Variants in FBXL17 observed in about 807,000 individuals in gnomAD.
The protein encoded by FBXL17 is F-box and leucine rich repeat protein 17, also known as F-box/LRR-repeat protein 17.
FBXL17 carries 22 observed loss-of-function variants against 66.2 expected under a neutral mutation model. The ratio of observed to expected loss-of-function variants is 0.33; its 90% CI spans 0.24 to 0.47. FBXL17 has a LOEUF of 0.47. Ranked by LOEUF, FBXL17 falls within the 20% of genes least tolerant of loss-of-function variation. The probability of loss-of-function intolerance (pLI) is 1.00; values close to 1 mark genes in which losing one functional copy is unlikely to be tolerated. For synonymous variants in FBXL17, 474 were observed against 400.5 expected (o/e 1.18, Z -2.19); for missense variants, 878 against 948.2 (o/e 0.93, Z 0.97).
chr5:107,925,237 TTG>T (rs1350023165), intron 7 of FBXL17, among the ~76,000 whole-genome samples: 1 of 152,238 alleles, frequency 6.6e-6, no homozygotes, highest in African/African-American at 2.4e-5. Flanking sequence ...AACACATGTG[TTG>T]TGTTTCCATA....
At position 107,928,621 on chromosome 5, in the gene FBXL17, T is replaced by C. The variant is rs184690267; in HGVS notation, c.1823-47442A>G. Among the ~76,000 whole-genome samples the C allele has an allele frequency of 6.6e-5, 10 of 152,258 alleles. No individual in the cohort carries two copies. In the East Asian group the frequency reaches 7.7e-4, roughly 12 times the overall value. ...GTAATTGGCACATTTAATTCACTGA[T>C]CAATAGCTTCAAAAATTCATTTTTG... is the stretch of plus-strand genomic sequence containing the variant. On this transcript the variant is annotated intron_variant, in intron 7 of 8. Transcript: ENST00000542267.
chr5:108,313,920 C>A (rs1045382573), intron 4 of FBXL17, among the ~76,000 whole-genome samples: 3 of 151,856 alleles, frequency 2.0e-5, no homozygotes, highest in Admixed American at 6.6e-5. Context: ...AAATAAAATT[C>A]TTACTAATAT....
At chr5:108,250,128 ACTG>A (rs1431405479) in intron 4 of FBXL17, among the ~76,000 whole-genome samples, 1 of 152,156 alleles carries the variant, frequency 6.6e-6, no homozygotes, top group Non-Finnish European at 1.5e-5. Context: ...TGGCACTGCA[ACTG>A]CTACCAATCA....
Position 108,126,660 on chromosome 5 carries a change from TATA to T in FBXL17, c.1745+59454_1745+59456del, listed in dbSNP as rs1554067330. On this transcript the variant is annotated intron_variant, in intron 6 of 8. Coordinates refer to ENST00000542267, the MANE Select transcript of FBXL17 (RefSeq NM_001163315.3). Reference sequence around the variant, plus strand: ...CTCTCTCTCTCTCTCTCTATATATATATACATATATATATATATATATATACAC... The same window carrying T: ...CTCTCTCTCTCTCTCTCTATATATATCATATATATATATATATATATACAC... Among the ~76,000 whole-genome samples, 895 of 116,420 alleles carry T rather than the reference TATA, an allele frequency of 7.7e-3. 5 individuals carry two copies. Among genetic ancestry groups the T allele is most frequent in the African/African-American group, 0.023 (732 of 31,276 alleles). 76.4% of individuals were successfully genotyped at this position (116,420 alleles called of 152,430 possible). A position where few individuals can be genotyped will look rare whatever the true frequency, so the allele number is the denominator to read the frequency against.
At chr5:108,373,318 A>ATATAAATATAATATATATCTAAATAT (rs1749181427) in intron 1 of FBXL17, among the ~76,000 whole-genome samples, 1 of 127,640 alleles carries the variant, frequency 7.8e-6, no homozygotes, top group African/African-American at 3.2e-5. Context: ...AAATATATTA[A>ATATAAATATAATATATATCTAAATAT]ATTTTTATTA....
chr5:108,344,509 A>G (rs1462049063), intron 4 of FBXL17, among the ~76,000 whole-genome samples: 2 of 152,132 alleles, frequency 1.3e-5, no homozygotes, highest in Admixed American at 1.3e-4. Flanking sequence ...AAAATAGGCC[A>G]AACACACACA....
At chr5:108,250,272 T>C (rs909112340) in intron 4 of FBXL17, among the ~76,000 whole-genome samples, 7 of 152,150 alleles carry the variant, frequency 4.6e-5, no homozygotes, top group African/African-American at 1.4e-4. Context: ...TAGCTGCTAA[T>C]CTTCAAATAC....
Position 107,920,255 on chromosome 5 carries a change from A to C in FBXL17, c.1823-39076T>G, listed in dbSNP as rs934389813. 1.1e-4 allele frequency among the ~76,000 whole-genome samples: 17 copies of C among 152,100 alleles called. 1 individual carries two copies. The highest frequency in any genetic ancestry group is 3.6e-4 in the African/African-American group (15 of 41,416). ...GTCTCGCTGTTGTCACCTGGGCTGG[A>C]GTGCAACGGCGCGACCTTGGCTCAC... On this transcript the variant is annotated intron_variant, in intron 7 of 8. Transcript: ENST00000542267.
At chr5:107,962,367 A>G (rs17437658) in intron 7 of FBXL17, among the ~76,000 whole-genome samples, 21,038 of 152,170 alleles carry the variant, frequency 0.14, 1,599 homozygotes, top group East Asian at 0.2. Context: ...CTGTGACCAT[A>G]ACATTCTAGT....
chr5:108,182,974 T>C (rs563743641), intron 6 of FBXL17, among the ~76,000 whole-genome samples: 51 of 152,108 alleles, frequency 3.4e-4, no homozygotes, highest in African/African-American at 1.2e-3. Flanking sequence ...CTTCTACACA[T>C]GTCCTGTATA....
intron 6 of FBXL17, among the ~76,000 whole-genome samples, chr5:108,177,708 G>C (rs1232143553): frequency 6.6e-6 from 1 of 151,946 alleles, no homozygotes; most frequent in Non-Finnish European, 1.5e-5. Context: ...ATGGGTTCCA[G>C]TCTTGGTTCC....
rs1343278312 is a variant in FBXL17, at chr5:107,861,253, G to A, written c.*467C>T. 2.0e-5 allele frequency: 3 copies of A among 150,602 alleles called. No homozygotes were observed. In the East Asian group the frequency reaches 5.9e-4, roughly 29 times the overall value. 9.3% of individuals were successfully genotyped at this position (150,602 alleles called of 1,614,324 possible). ...AGTAGATCAGAGCCCTGGTGTAGATGTGCACACGTGTGAATATGTGAGAGA... is the reference window on the plus strand; with the variant it reads ...AGTAGATCAGAGCCCTGGTGTAGATATGCACACGTGTGAATATGTGAGAGA... On this transcript the variant is annotated 3_prime_UTR_variant, in exon 9 of 9. Transcript: ENST00000542267.
intron 4 of FBXL17, among the ~76,000 whole-genome samples, chr5:108,283,908 T>C (rs1757797527): frequency 6.6e-6 from 1 of 151,700 alleles, no homozygotes; most frequent in South Asian, 2.1e-4. Context: ...AAAGAAGAAA[T>C]AAAAATGGCC....
chr5:108,031,663 G>C (rs1032439553), intron 6 of FBXL17, among the ~76,000 whole-genome samples: 1 of 151,952 alleles, frequency 6.6e-6, no homozygotes, highest in South Asian at 2.1e-4. Context: ...ATGAGAAACT[G>C]GTCTCTCAAA....
At chr5:108,355,658 G>C (rs1747941445) in intron 3 of FBXL17, among the ~76,000 whole-genome samples, 1 of 152,086 alleles carries the variant, frequency 6.6e-6, no homozygotes, top group Non-Finnish European at 1.5e-5. Flanking sequence ...TTTGAAAGTG[G>C]AGTTGGTTAT....
chr5:108,026,666 C>A (rs1490568760), intron 6 of FBXL17, among the ~76,000 whole-genome samples: 2 of 152,154 alleles, frequency 1.3e-5, no homozygotes, highest in African/African-American at 4.8e-5. Context: ...CAACAATTAT[C>A]TCCGGACACT....
At chr5:108,317,889 T>G (rs1235415640) in intron 4 of FBXL17, among the ~76,000 whole-genome samples, 1 of 151,468 alleles carries the variant, frequency 6.6e-6, no homozygotes, top group African/African-American at 2.4e-5. Context: ...TATCTGCAAA[T>G]AAATAATCAA....
intron 6 of FBXL17, among the ~76,000 whole-genome samples, chr5:108,058,471 CCTTTT>C (rs1313272302): frequency 6.7e-6 from 1 of 149,738 alleles, no homozygotes; most frequent in Non-Finnish European, 1.5e-5. Context: ...TTCTCTCTCT[CCTTTT>C]CTTTCTTTCT....
intron 6 of FBXL17, among the ~76,000 whole-genome samples, chr5:108,181,844 G>A (rs1014905603): frequency 1.3e-5 from 2 of 152,040 alleles, no homozygotes; most frequent in Non-Finnish European, 2.9e-5. Flanking sequence ...CAGCTATGAC[G>A]CGGAAAATTG....
Sources: gnomAD v4.1 joint callset for allele counts (sites outside exome capture counted in the v4.1 genomes callset) on GRCh38, gnomAD v4.1.1 for gene constraint, MANE v1.5 for transcripts, NCBI Gene and HGNC (gene_info 2026-07-23, HGNC 2026-07-21) for gene names.